The following SOX7 variants were observed in gnomAD, a reference collection of about 807,000 sequenced individuals.
SOX7 encodes SRY-box transcription factor 7.
Under a neutral mutation model 24.9 loss-of-function variants are expected in SOX7, and 19 were observed. The ratio of observed to expected loss-of-function variants is 0.76; its 90% CI spans 0.53 to 1.12. SOX7 has a LOEUF of 1.12. Ranked by LOEUF, SOX7 falls within the 50% of genes most tolerant of loss-of-function variation. The pLI is 0.00. For missense variants in SOX7, 702 were observed against 535.0 expected (o/e 1.31, Z -3.08); for synonymous variants, 327 against 244.5 (o/e 1.34, Z -3.15).
Position 10,730,232 on chromosome 8 carries a change from G to T in SOX7, c.202C>A (p.Pro68Thr). ...DERKRLAVQN[P>T]DLHNAELSKM... ...CTGAGCTCGGCGTTGTGCAGGTCCGGGTTCTGCACTGCCAGCCGTTTCCTC... is the reference window on the plus strand; with the variant it reads ...CTGAGCTCGGCGTTGTGCAGGTCCGTGTTCTGCACTGCCAGCCGTTTCCTC... Residue 68 changes from proline (P) to threonine (T), a missense_variant, in exon 1 of 2, where the codon CCG becomes ACG. By Grantham distance (38) the Pro-to-Thr change is conservative. Coordinates refer to ENST00000304501, the MANE Select transcript of SOX7 (RefSeq NM_031439.4). This position sits in a 1 kb window ranked among gnomAD's most constrained non-coding sequence, Gnocchi z 4.8. The T allele has an allele frequency of 5.7e-6, 9 of 1,565,568 alleles. No individual in the cohort carries two copies. The highest frequency in any genetic ancestry group is 1.2e-5 in the South Asian group (1 of 85,996).
At position 10,725,446 on chromosome 8, in the gene SOX7, A is replaced by G; in HGVS notation, c.*292T>C. On this transcript the variant is annotated 3_prime_UTR_variant, in exon 2 of 2. Coordinates refer to ENST00000304501, the MANE Select transcript of SOX7 (RefSeq NM_031439.4). ...AGTTTCGATGATGGCTACCAAGAAA[A>G]GACGTCAGTGAACATTCCACTGGGA... The G allele has an allele frequency of 2.3e-6, 1 of 439,538 alleles. No homozygotes were observed. The highest frequency in any genetic ancestry group is 4.2e-5 in the East Asian group (1 of 23,632). The allele number at this position is 439,538 out of a possible 1,614,324, so 27.2% of individuals were successfully genotyped here. A position where few individuals can be genotyped will look rare whatever the true frequency, so the allele number is the denominator to read the frequency against.
At chr8:10,728,749 C>G (rs147621969) in intron 1 of SOX7, among the ~76,000 whole-genome samples, 57 of 152,326 alleles carry the variant, frequency 3.7e-4, no homozygotes, top group African/African-American at 1.3e-3. Flanking sequence ...CACAGAATTC[C>G]TCCTCTGTCA....
chr8:10,730,061 C>T lies in SOX7; in HGVS notation c.238+135G>A, dbSNP rs951074263. The T allele has an allele frequency of 8.6e-5, 45 of 520,242 alleles. No homozygotes were observed. Among genetic ancestry groups the T allele is most frequent in the African/African-American group, 7.3e-4 (36 of 49,530 alleles). 32.2% of individuals were successfully genotyped at this position (520,242 alleles called of 1,614,324 possible). On this transcript the variant is annotated intron_variant, in intron 1 of 1. Coordinates refer to ENST00000304501, the MANE Select transcript of SOX7 (RefSeq NM_031439.4). The surrounding 1 kb of genome is among the most constrained non-coding windows in gnomAD (Gnocchi z 4.8). ...CCACGCTCGCGCAGATGGCCAGCCA[C>T]GCGGGCACGAAGAGGGCCCTCGTCC...
At chr8:10,729,355 A>G (rs1800215949) in intron 1 of SOX7, 1 of 152,354 alleles carries the variant, frequency 6.6e-6, no homozygotes, top group South Asian at 2.1e-4. Flanking sequence ...TTCGCGGATT[A>G]AAACGAATAA....
Position 10,730,288 on chromosome 8 carries a change from A to G in SOX7, c.146T>C (p.Met49Thr). ...CTTGGCCCAAACCATGAAGGCGTTCATGGGCCGCCGGATACGGCTCTCGGA... is the reference window on the plus strand; with the variant it reads ...CTTGGCCCAAACCATGAAGGCGTTCGTGGGCCGCCGGATACGGCTCTCGGA... ...KGSESRIRRP[M>T]NAFMVWAKDE... The change falls in exon 1 of 2, where the codon ATG (methionine) becomes ACG (threonine). Residue 49 changes from methionine (M) to threonine (T), a missense_variant. Transcript: ENST00000304501. This position sits in a 1 kb window ranked among gnomAD's most constrained non-coding sequence, Gnocchi z 4.8. 6.3e-7 allele frequency: 1 copy of G among 1,581,718 alleles called. No individual in the cohort carries two copies. The highest frequency in any genetic ancestry group is 2.4e-5 in the East Asian group (1 of 40,860).
intron 1 of SOX7, 67 bp from the exon 2 acceptor site, chr8:10,726,733 C>A (rs1800164229): frequency 2.2e-6 from 3 of 1,392,620 alleles, no homozygotes; most frequent in South Asian, 1.4e-5. Flanking sequence ...CATGCACACG[C>A]GTGCACACAC....
At position 10,726,132 on chromosome 8, in the gene SOX7, C is replaced by A. The variant is rs757143423; in HGVS notation, c.773G>T (p.Gly258Val). The A allele has an allele frequency of 1.0e-5, 16 of 1,583,188 alleles. No individual in the cohort carries two copies. The South Asian group carries it at 1.8e-4, about 18-fold the overall frequency. The change falls in exon 2 of 2, where the codon GGC becomes GTC. Residue 258 changes from glycine to valine, a missense_variant. Coordinates refer to ENST00000304501, the MANE Select transcript of SOX7 (RefSeq NM_031439.4). ...GGGGGACTGGCCAAGGGCCAGGGAG[C>A]CCAGGGGGTGGCTACAGTGGAGAGG... ...PSPLHCSHPL[G>V]SLALGQSPGV...
At position 10,726,317 on chromosome 8, in the gene SOX7, C is replaced by A. The variant is rs752265318; in HGVS notation, c.588G>T (p.Thr196=). 65 of 1,613,514 alleles carry A rather than the reference C, an allele frequency of 4.0e-5. No homozygotes were observed. In the East Asian group the frequency reaches 4.5e-4, roughly 11 times the overall value. Reference sequence around the variant, plus strand: ...GAGGTGTGGGCAGCCCGTACGGGTACGTGTCCACACTGCTCGGGGTGCCGC... The same window carrying A: ...GAGGTGTGGGCAGCCCGTACGGGTAAGTGTCCACACTGCTCGGGGTGCCGC... ...GGGGTPSSVD[T]YPYGLPTPPE... The change falls in exon 2 of 2, where the codon ACG becomes ACT. Residue 196 remains threonine, a synonymous_variant. Transcript: ENST00000304501.
Position 10,726,444 on chromosome 8 carries a change from C to A in SOX7, c.461G>T (p.Gly154Val). 6.2e-7 allele frequency: 1 copy of A among 1,612,224 alleles called. No homozygotes were observed. Reference sequence around the variant, plus strand: ...CCTGTCCTCCTTCTCCCCCAGCGCCCCCCGGCTGCCGCTTCTCTTCTCCGG... The same window carrying A: ...CCTGTCCTCCTTCTCCCCCAGCGCCACCCGGCTGCCGCTTCTCTTCTCCGG... ...ALPEKRSGSR[G>V]ALGEKEDRGE... is the part of the protein sequence containing the mutation. Residue 154 changes from glycine (G) to valine (V), a missense_variant, in exon 2 of 2, where the codon GGG becomes GTG. Transcript: ENST00000304501.
intron 1 of SOX7, among the ~76,000 whole-genome samples, chr8:10,728,837 T>C (rs561626005): frequency 6.6e-6 from 1 of 152,320 alleles, no homozygotes; most frequent in African/African-American, 2.4e-5. Context: ...AAAAAAAAGT[T>C]TGGGGATCCA....
chr8:10,726,815 T>A, intron 1 of SOX7, 149 bp from the exon 2 acceptor site: 1 of 729,716 alleles, frequency 1.4e-6, no homozygotes, highest in South Asian at 2.0e-5. Context: ...TGCACCCTCT[T>A]CCCAGCCCAG....
chr8:10,726,748 GCACA>G, intron 1 of SOX7, 82 bp from the exon 2 acceptor site: 24 of 1,253,236 alleles, frequency 1.9e-5, no homozygotes, highest in Non-Finnish European at 2.6e-5. Context: ...ACACACACGT[GCACA>G]TGCACACACA....
At chr8:10,727,646 C>T (rs1263410006) in intron 1 of SOX7, among the ~76,000 whole-genome samples, 1 of 152,222 alleles carries the variant, frequency 6.6e-6, no homozygotes, top group Admixed American at 6.5e-5. Flanking sequence ...CATCTTCCCT[C>T]ATCTATCAGT....
At chr8:10,727,719 G>A (rs1274210011) in intron 1 of SOX7, among the ~76,000 whole-genome samples, 1 of 152,182 alleles carries the variant, frequency 6.6e-6, no homozygotes, top group Non-Finnish European at 1.5e-5. Flanking sequence ...CCCTTGGGTT[G>A]CTTTGCTACC....
rs770766167 is a variant in SOX7 at position 10,726,305 on chromosome 8, C to T, written c.600G>A (p.Gly200=). 1 of 1,613,704 alleles carries T rather than the reference C, an allele frequency of 6.2e-7. No individual in the cohort carries two copies. The highest frequency in any genetic ancestry group is 1.1e-5 in the South Asian group (1 of 91,078). ...TPSSVDTYPY[G]LPTPPEMSPL... The stretch of plus-strand genomic sequence containing the variant: ...GAGACATTTCAGGAGGTGTGGGCAG[C>T]CCGTACGGGTACGTGTCCACACTGC... The change falls in exon 2 of 2, where the codon GGG becomes GGA. Residue 200 remains glycine (G), a synonymous_variant. Coordinates refer to ENST00000304501, the MANE Select transcript of SOX7 (RefSeq NM_031439.4).
chr8:10,725,714 T>G lies in SOX7; in HGVS notation c.*24A>C. 1 of 1,613,678 alleles carries G rather than the reference T, an allele frequency of 6.2e-7. No individual in the cohort carries two copies. Among genetic ancestry groups the G allele is most frequent in the South Asian group, 1.1e-5 (1 of 91,068 alleles). ...CACAAGAAGGAGAGGGCGCGAGGGC[T>G]GACCGGACGGGGCGCCTCCAGCTCT... On this transcript the variant is annotated 3_prime_UTR_variant, in exon 2 of 2. Coordinates refer to ENST00000304501, the MANE Select transcript of SOX7 (RefSeq NM_031439.4).
In SOX7 at chr8:10,730,441, C is replaced by T. The variant is rs778967436; in HGVS notation, c.-8G>A. 7 of 1,456,622 alleles carry T rather than the reference C, an allele frequency of 4.8e-6. No individual in the cohort carries two copies. Among genetic ancestry groups the T allele is most frequent in the Admixed American group, 6.0e-5 (2 of 33,130 alleles). 90.2% of individuals were successfully genotyped at this position (1,456,622 alleles called of 1,614,324 possible). On this transcript the variant is annotated 5_prime_UTR_variant, in exon 1 of 2. In the 5' UTR this introduces an upstream ATG that the reference lacks. Coordinates refer to ENST00000304501, the MANE Select transcript of SOX7 (RefSeq NM_031439.4). The surrounding 1 kb of genome is among the most constrained non-coding windows in gnomAD (Gnocchi z 4.8). ...TCCCAGCAGCGAAGCCATGGCCGCACGCGGGTCGCCTCGCTTCGCCTGGCG... is the reference window on the plus strand; with the variant it reads ...TCCCAGCAGCGAAGCCATGGCCGCATGCGGGTCGCCTCGCTTCGCCTGGCG...
chr8:10,730,324 C>A lies in SOX7; in HGVS notation c.110G>T (p.Gly37Val), dbSNP rs753516105. ...QSPPAVPRPP[G>V]DKGSESRIRR... ...GATACGGCTCTCGGAGCCCTTGTCC[C>A]CCGGGGGCCGGGGGACGGCCGGCGG... is the stretch of plus-strand genomic sequence containing the variant. Residue 37 changes from glycine to valine, a missense_variant, in exon 1 of 2, where the codon GGG becomes GTG. By Grantham distance (109) the Gly-to-Val change is moderately radical (BLOSUM62 -3). Transcript: ENST00000304501. This position sits in a 1 kb window ranked among gnomAD's most constrained non-coding sequence, Gnocchi z 4.8. 1.9e-6 allele frequency: 3 copies of A among 1,572,066 alleles called. No homozygotes were observed. The highest frequency in any genetic ancestry group is 2.6e-6 in the Non-Finnish European group (3 of 1,162,304).
In SOX7 at chr8:10,724,005, C is replaced by T. The variant is rs1800095028; in HGVS notation, c.*1733G>A. On this transcript the variant is annotated 3_prime_UTR_variant, in exon 2 of 2. Coordinates refer to ENST00000304501, the MANE Select transcript of SOX7 (RefSeq NM_031439.4). ...AGTAATAGCATAAAGAGTAATCATA[C>T]CTTATAAGTGATTTTACAATAGGAC... 1 of 152,154 alleles carries T rather than the reference C, an allele frequency of 6.6e-6. No homozygotes were observed. Among genetic ancestry groups the T allele is most frequent in the Non-Finnish European group, 1.5e-5 (1 of 67,992 alleles). The allele number at this position is 152,154 out of a possible 1,614,324, so 9.4% of individuals were successfully genotyped here. A position where few individuals can be genotyped will look rare whatever the true frequency, so the allele number is the denominator to read the frequency against.
Sources: allele counts gnomAD v4.1 joint callset (sites outside exome capture counted in the v4.1 genomes callset), GRCh38; gene constraint gnomAD v4.1.1; non-coding constraint Gnocchi (gnomAD v3.1); transcripts MANE v1.5; gene names NCBI Gene and HGNC (gene_info 2026-07-23, HGNC 2026-07-21).